The following GRK5 variants were observed in gnomAD, a reference collection of about 807,000 sequenced individuals.
GRK5 encodes G protein-coupled receptor kinase 5.
In GRK5, 40 loss-of-function variants were observed where a neutral mutation model predicts 78.4. That is an observed-to-expected ratio of 0.51 (90% CI 0.40 to 0.66). GRK5 has a LOEUF of 0.66. GRK5 is among the 30% of genes least tolerant of loss of function. The pLI, the probability that GRK5 is intolerant of heterozygous loss-of-function variation, is 0.00. For missense variants in GRK5, 598 were observed against 759.9 expected, an observed-to-expected ratio of 0.79 and a Z score of 2.50; for synonymous variants, 289 against 296.8, an observed-to-expected ratio of 0.97 and a Z score of 0.27.
At chr10:119,261,052 C>A (rs1849380543) in intron 1 of GRK5, among the ~76,000 whole-genome samples, 1 of 101,740 alleles carries the variant, frequency 9.8e-6, no homozygotes, top group Non-Finnish European at 2.2e-5. Context: ...CCCCACCTCC[C>A]TCCCGGACGG....
chr10:119,223,278 A>G (rs573721828), intron 1 of GRK5, among the ~76,000 whole-genome samples: 12 of 152,234 alleles, frequency 7.9e-5, no homozygotes, highest in South Asian at 2.1e-4. Flanking sequence ...GAATGACCTC[A>G]TGTTAACTTG....
intron 1 of GRK5, among the ~76,000 whole-genome samples, chr10:119,302,896 G>A (rs572088323): frequency 2.0e-5 from 3 of 152,282 alleles, no homozygotes; most frequent in East Asian, 3.9e-4. Context: ...GTATATGCAC[G>A]CTGTCACTGG....
chr10:119,393,641 G>A (rs1047191172), intron 3 of GRK5, among the ~76,000 whole-genome samples: 1 of 152,206 alleles, frequency 6.6e-6, no homozygotes, highest in Non-Finnish European at 1.5e-5. Context: ...CAGGACCCTG[G>A]GTGCTTCTCA....
intron 2 of GRK5, among the ~76,000 whole-genome samples, chr10:119,329,407 G>A (rs570192289): frequency 2.6e-5 from 4 of 152,252 alleles, no homozygotes; most frequent in Admixed American, 1.3e-4. Flanking sequence ...TGGGGACCTC[G>A]AGCCATGAGG....
intron 2 of GRK5, among the ~76,000 whole-genome samples, chr10:119,344,909 C>CCTTCCTTCCTTCCTTT (rs1299085136): frequency 2.1e-5 from 3 of 143,470 alleles, no homozygotes; most frequent in Non-Finnish European, 4.6e-5. Context: ...TTCCTTCCTT[C>CCTTCCTTCCTTCCTTT]CTTCCTTCCT....
chr10:119,358,172 C>T (rs1235825967), intron 2 of GRK5, among the ~76,000 whole-genome samples: 1 of 152,156 alleles, frequency 6.6e-6, no homozygotes, highest in Non-Finnish European at 1.5e-5. Context: ...GTGAGAGTCC[C>T]TGAGCCACAG....
At chr10:119,314,489 C>A (rs1284833329) in intron 1 of GRK5, among the ~76,000 whole-genome samples, 1 of 152,190 alleles carries the variant, frequency 6.6e-6, no homozygotes. Flanking sequence ...GCTCTGTGCC[C>A]CCCAGACCAC....
At chr10:119,427,373 A>G (rs1852711042) in intron 6 of GRK5, among the ~76,000 whole-genome samples, 1 of 151,956 alleles carries the variant, frequency 6.6e-6, no homozygotes, top group Non-Finnish European at 1.5e-5. Flanking sequence ...CACCATCATC[A>G]GCATCACCAC....
At chr10:119,313,790 C>G (rs1307618157) in intron 1 of GRK5, among the ~76,000 whole-genome samples, 1 of 152,148 alleles carries the variant, frequency 6.6e-6, no homozygotes, top group Non-Finnish European at 1.5e-5. Flanking sequence ...GGGGCCCTGT[C>G]CCCATCCCCA....
At chr10:119,240,913 G>A (rs1589696765) in intron 1 of GRK5, among the ~76,000 whole-genome samples, 1 of 152,184 alleles carries the variant, frequency 6.6e-6, no homozygotes, top group African/African-American at 2.4e-5. Flanking sequence ...AAAGGCAAAA[G>A]GACCATGACT....
At chr10:119,396,258 A>G (rs997559990) in intron 3 of GRK5, among the ~76,000 whole-genome samples, 3 of 152,248 alleles carry the variant, frequency 2.0e-5, no homozygotes, top group Admixed American at 1.3e-4. Context: ...TGAGTGACCT[A>G]AGGCAGCTTC....
intron 4 of GRK5, among the ~76,000 whole-genome samples, chr10:119,413,064 G>T (rs1852376695): frequency 6.6e-6 from 1 of 152,138 alleles, no homozygotes; most frequent in African/African-American, 2.4e-5. Flanking sequence ...CCTCCCAGTT[G>T]CTCAAACAAA....
chr10:119,299,743 C>T (rs1264840189), intron 1 of GRK5, among the ~76,000 whole-genome samples: 1 of 151,958 alleles, frequency 6.6e-6, no homozygotes, highest in Admixed American at 6.6e-5. Context: ...GAGTAGCGTG[C>T]TGGGCTCTTG....
At chr10:119,369,306 G>A (rs929311452) in intron 2 of GRK5, among the ~76,000 whole-genome samples, 3 of 152,162 alleles carry the variant, frequency 2.0e-5, no homozygotes, top group Non-Finnish European at 2.9e-5. Flanking sequence ...GCTTTTAGGC[G>A]GAGCACAGGT....
chr10:119,263,360 A>T (rs1184773383), intron 1 of GRK5, among the ~76,000 whole-genome samples: 1 of 152,052 alleles, frequency 6.6e-6, no homozygotes, highest in African/African-American at 2.4e-5. Context: ...GTGGAAAAAA[A>T]ATTTTTTTTT....
intron 2 of GRK5, among the ~76,000 whole-genome samples, chr10:119,353,903 C>T (rs1851221459): frequency 6.6e-6 from 1 of 151,410 alleles, no homozygotes. Flanking sequence ...ATGGCAGCCA[C>T]CCCACCAAGG....
chr10:119,421,640 G>A (rs951246317), intron 4 of GRK5, among the ~76,000 whole-genome samples: 2 of 152,226 alleles, frequency 1.3e-5, no homozygotes, highest in African/African-American at 4.8e-5. Context: ...TGGTAACTGG[G>A]AAATGTGCTC....
At chr10:119,261,855 T>G (rs1331604035) in intron 1 of GRK5, among the ~76,000 whole-genome samples, 1 of 152,006 alleles carries the variant, frequency 6.6e-6, no homozygotes, top group Non-Finnish European at 1.5e-5. Flanking sequence ...AGCAGTATAG[T>G]CCAGCTTCGG....
intron 8 of GRK5, among the ~76,000 whole-genome samples, chr10:119,434,261 A>G (rs1372230267): frequency 6.6e-6 from 1 of 152,184 alleles, no homozygotes; most frequent in African/African-American, 2.4e-5. Flanking sequence ...CTCACATTTC[A>G]AAACCAATCA....
Sources: allele counts gnomAD v4.1 joint callset (sites outside exome capture counted in the v4.1 genomes callset), GRCh38; gene constraint gnomAD v4.1.1; transcripts MANE v1.5; gene names NCBI Gene and HGNC (gene_info 2026-07-23, HGNC 2026-07-21).